The following KNDC1 variants were observed in gnomAD, a reference collection of about 807,000 sequenced individuals.
The protein encoded by KNDC1 is kinase non-catalytic C-lobe domain-containing protein 1.
Under a neutral mutation model 172.8 loss-of-function variants are expected in KNDC1, and 106 were observed. The ratio of observed to expected loss-of-function variants is 0.61; its 90% CI spans 0.52 to 0.72. The LOEUF (loss-of-function observed/expected upper bound fraction) is 0.72, where lower values mean the gene tolerates loss of function less well. KNDC1 is among the 30% of genes least tolerant of loss of function. The probability of loss-of-function intolerance (pLI) is 0.00; values close to 1 mark genes in which losing one functional copy is unlikely to be tolerated. For synonymous variants in KNDC1, 1,083 were observed against 1,062.2 expected, an observed-to-expected ratio of 1.02 and a Z score of -0.38; for missense variants, 2,325 against 2,394.5, an observed-to-expected ratio of 0.97 and a Z score of 0.61.
At chr10:133,211,944 C>A in intron 23 of KNDC1, 86 bp downstream of exon 23, 1 of 1,281,440 alleles carries the variant, frequency 7.8e-7, no homozygotes, top group Non-Finnish European at 1.1e-6. Flanking sequence ...CTGGTGCATG[C>A]ACACACATAC....
At chr10:133,164,730 G>A (rs1279648411) in intron 1 of KNDC1, among the ~76,000 whole-genome samples, 4 of 146,552 alleles carry the variant, frequency 2.7e-5, no homozygotes, top group Non-Finnish European at 6.2e-5. Context: ...TTCTGGAGGT[G>A]ACTACAGGAC....
intron 26 of KNDC1, among the ~76,000 whole-genome samples, chr10:133,215,862 G>A (rs1021748007): frequency 6.6e-5 from 10 of 152,254 alleles, no homozygotes; most frequent in East Asian, 5.8e-4. Context: ...GGCACCCAGC[G>A]TGGCCGGGAC....
chr10:133,205,584 G>A (rs2136010442), intron 17 of KNDC1, among the ~76,000 whole-genome samples: 1 of 152,368 alleles, frequency 6.6e-6, no homozygotes, highest in East Asian at 1.9e-4. Flanking sequence ...AACCACGATG[G>A]TCCAGCCAGT....
intron 20 of KNDC1, among the ~76,000 whole-genome samples, chr10:133,208,681 C>A (rs1313062769): frequency 3.9e-5 from 6 of 152,228 alleles, no homozygotes; most frequent in Non-Finnish European, 8.8e-5. Context: ...TAGTTCTCAG[C>A]CTCCTCAACT....
intron 20 of KNDC1, among the ~76,000 whole-genome samples, chr10:133,210,274 C>T (rs1234154357): frequency 7.0e-6 from 1 of 141,872 alleles, no homozygotes; most frequent in African/African-American, 2.6e-5. Context: ...CCCAGCTATT[C>T]GGGAGGCTGA....
intron 29 of KNDC1, 52 bp downstream of exon 29, chr10:133,220,164 GGCGCGCGCCC>G (rs754885631): frequency 3.4e-6 from 5 of 1,476,546 alleles, no homozygotes; most frequent in South Asian, 1.3e-5. Flanking sequence ...GGCTCAGGCG[GGCGCGCGCCC>G]AGGAGAGGAG....
At position 133,160,297 on chromosome 10, in the gene KNDC1, C is replaced by A; in HGVS notation, c.-171C>A. 1 of 184,614 alleles carries A rather than the reference C, an allele frequency of 5.4e-6. No individual in the cohort carries two copies. Among genetic ancestry groups the A allele is most frequent in the South Asian group, 1.7e-4 (1 of 5,734 alleles). 11.4% of individuals were successfully genotyped at this position (184,614 alleles called of 1,614,324 possible). A position where few individuals can be genotyped will look rare whatever the true frequency, so the allele number is the denominator to read the frequency against. On this transcript the variant is annotated 5_prime_UTR_variant, in exon 1 of 30. Coordinates refer to ENST00000304613, the MANE Select transcript of KNDC1 (RefSeq NM_152643.8). ...CGCGCACCCCGCGCCCCCCGCGCCC[C>A]CCGGGCCCGCCCCGTATCCCTGACC...
chr10:133,200,316 A>T, intron 15 of KNDC1, 59 bp from the exon 16 acceptor site: 1 of 1,334,612 alleles, frequency 7.5e-7, no homozygotes, highest in Non-Finnish European at 1.0e-6. Context: ...CGCCCTGTGG[A>T]GACTGTGGCC....
intron 1 of KNDC1, among the ~76,000 whole-genome samples, chr10:133,162,417 T>G (rs1292117760): frequency 1.3e-5 from 2 of 152,062 alleles, no homozygotes; most frequent in Non-Finnish European, 2.9e-5. Flanking sequence ...GAAAGCACGG[T>G]GGCGCCAGGC....
intron 29 of KNDC1, 43 bp downstream of exon 29, chr10:133,220,155 G>T: frequency 6.7e-7 from 1 of 1,500,070 alleles, no homozygotes; most frequent in Non-Finnish European, 8.9e-7. Context: ...GAGAGGAGGG[G>T]CTCAGGCGGG....
chr10:133,193,709 G>A (rs1854118782), intron 9 of KNDC1, among the ~76,000 whole-genome samples: 1 of 152,152 alleles, frequency 6.6e-6, no homozygotes, highest in Non-Finnish European at 1.5e-5. Context: ...ATATAAGTAG[G>A]TTGAAAGTTA....
rs1275569176 is a variant in KNDC1, at chr10:133,201,494, T to A, written c.2990-7T>A. ...TGTCCACGTAACCTGCGTCTCTTTC[T>A]TTCAAGGAAAAGAGAAGCCAGCCAT... is the stretch of plus-strand genomic sequence containing the variant. On this transcript the variant is annotated splice_polypyrimidine_tract_variant and splice_region_variant and intron_variant, in intron 16 of 29. Coordinates refer to ENST00000304613, the MANE Select transcript of KNDC1 (RefSeq NM_152643.8). 1.3e-6 allele frequency: 2 copies of A among 1,585,162 alleles called. No individual in the cohort carries two copies. The highest frequency in any genetic ancestry group is 1.7e-6 in the Non-Finnish European group (2 of 1,168,638).
Position 133,163,340 on chromosome 10 carries a change from C to T in KNDC1, c.102+2771C>T, listed in dbSNP as rs985614187. On this transcript the variant is annotated intron_variant, in intron 1 of 29. Coordinates refer to ENST00000304613, the MANE Select transcript of KNDC1 (RefSeq NM_152643.8). This position sits in a 1 kb window ranked among gnomAD's most constrained non-coding sequence, Gnocchi z 4.4. ...GAACCTCCTGTGTGCCGGTGTCAGG[C>T]TGGGCTCAGAATCTGAGGCTGGACA... 6.6e-6 allele frequency among the ~76,000 whole-genome samples: 1 copy of T among 152,176 alleles called. No individual in the cohort carries two copies. The highest frequency in any genetic ancestry group is 2.4e-5 in the African/African-American group (1 of 41,432).
rs763567812 is a variant in KNDC1, at chr10:133,199,511, A to C, written c.2812A>C (p.Ile938Leu). ...DLTFATFCGAISEKFCDLYWD... is the reference protein window; with the variant it reads ...DLTFATFCGALSEKFCDLYWD... ...CACCTTTGCCACTTTCTGTGGCGCC[A>C]TTTCCGAGAAGTTCTGTGACCTGTA... The change falls in exon 15 of 30, where the codon ATT (isoleucine) becomes CTT (leucine). Residue 938 changes from isoleucine to leucine, a missense_variant. Physicochemically the swap from Ile to Leu is conservative, Grantham distance 5 (BLOSUM62 2). Coordinates refer to ENST00000304613, the MANE Select transcript of KNDC1 (RefSeq NM_152643.8). 1.2e-6 allele frequency: 2 copies of C among 1,613,924 alleles called. No individual in the cohort carries two copies. The highest frequency in any genetic ancestry group is 3.3e-5 in the Admixed American group (2 of 60,028).
At chr10:133,181,627 G>A (rs111784447) in intron 3 of KNDC1, among the ~76,000 whole-genome samples, 8,709 of 152,226 alleles carry the variant, frequency 0.057, 790 homozygotes, top group African/African-American at 0.19. Flanking sequence ...ACCAGCCTGC[G>A]GGGGAGGCAG....
At chr10:133,177,251 AGT>A (rs140031098) in intron 3 of KNDC1, among the ~76,000 whole-genome samples, 2,725 of 151,794 alleles carry the variant, frequency 0.018, 81 homozygotes, top group African/African-American at 0.06. Flanking sequence ...AATATGATAT[AGT>A]GTGTTTTGTG....
In KNDC1 at chr10:133,200,475, G is replaced by T; in HGVS notation, c.2989+15G>T. 6.6e-7 allele frequency: 1 copy of T among 1,513,162 alleles called. No homozygotes were observed. The highest frequency in any genetic ancestry group is 8.8e-7 in the Non-Finnish European group (1 of 1,131,888). 93.7% of individuals were successfully genotyped at this position (1,513,162 alleles called of 1,614,324 possible). A position where few individuals can be genotyped will look rare whatever the true frequency, so the allele number is the denominator to read the frequency against. ...GCACCGCCTGGGTAAGTGCTGGGCG[G>T]GCCCCGCGGCAGGAGCTCTGCTGGG... is the stretch of plus-strand genomic sequence containing the variant. On this transcript the variant is annotated intron_variant, in intron 16 of 29. Transcript: ENST00000304613.
In KNDC1 at chr10:133,225,217, G is replaced by A. The variant is rs186272832; in HGVS notation, c.*327G>A. Reference sequence around the variant, plus strand: ...GTCTGCGCCTCTCACACACAGATAAGTGGCTCTTACCCAGCTCTCAGTGAC... The same window carrying A: ...GTCTGCGCCTCTCACACACAGATAAATGGCTCTTACCCAGCTCTCAGTGAC... On this transcript the variant is annotated 3_prime_UTR_variant, in exon 30 of 30. Transcript: ENST00000304613. The A allele has an allele frequency of 3.4e-5, 11 of 322,968 alleles. No individual in the cohort carries two copies. In the Admixed American group the frequency reaches 4.7e-4, roughly 14 times the overall value. 20.0% of individuals were successfully genotyped at this position (322,968 alleles called of 1,614,324 possible).
chr10:133,170,298 G>A (rs972721859), intron 3 of KNDC1, among the ~76,000 whole-genome samples: 13 of 152,306 alleles, frequency 8.5e-5, no homozygotes, highest in East Asian at 1.9e-4. Flanking sequence ...CTGCAGGCCC[G>A]AGAACACGGT....
Sources: gnomAD v4.1 joint callset for allele counts (sites outside exome capture counted in the v4.1 genomes callset) on GRCh38, gnomAD v4.1.1 for gene constraint, Gnocchi (gnomAD v3.1) non-coding constraint, MANE v1.5 for transcripts, NCBI Gene and HGNC (gene_info 2026-07-23, HGNC 2026-07-21) for gene names.